KDM2B: variants seen among roughly 807,000 people sequenced by gnomAD.
The protein encoded by KDM2B is lysine demethylase 2B, also known as lysine-specific demethylase 2B.
Under a neutral mutation model 150.0 loss-of-function variants are expected in KDM2B, and 26 were observed. The ratio of observed to expected loss-of-function variants is 0.17; its 90% CI spans 0.13 to 0.24. The LOEUF is 0.24. Among genes scored for constraint, KDM2B ranks in the 10% least tolerant of loss-of-function variants. The pLI is 1.00. For synonymous variants in KDM2B, 734 were observed against 729.5 expected, an observed-to-expected ratio of 1.01 and a Z score of -0.10; for missense variants, 1,265 against 1,816.9, an observed-to-expected ratio of 0.70 and a Z score of 5.52.
chr12:121,492,452 C>T (rs898339265), intron 12 of KDM2B, among the ~76,000 whole-genome samples: 6 of 151,006 alleles, frequency 4.0e-5, no homozygotes, highest in Admixed American at 1.3e-4. Context: ...GGATTACAGG[C>T]GCGTGCCACC....
chr12:121,443,956 G>A (rs1875660633), intron 16 of KDM2B, 56 bp downstream of exon 16: 4 of 1,552,762 alleles, frequency 2.6e-6, no homozygotes, highest in Middle Eastern at 1.9e-4. Context: ...CTCCAACCCA[G>A]CACCCGGGAC....
chr12:121,420,867 A>G, the KDM2B span: 1 of 965,674 alleles, frequency 1.0e-6, no homozygotes, highest in African/African-American at 1.6e-5. Flanking sequence ...AGTCAAATTT[A>G]TTTTTGAGAA....
chr12:121,540,369 T>C (rs1888510861), intron 6 of KDM2B, among the ~76,000 whole-genome samples: 2 of 152,040 alleles, frequency 1.3e-5, no homozygotes, highest in Admixed American at 1.3e-4. Flanking sequence ...ACACAGCTGA[T>C]GAGAGAGTAG....
chr12:121,548,889 G>A lies in KDM2B; in HGVS notation c.671C>T (p.Pro224Leu), dbSNP rs1555311243. ...ATNAIAEMKYPKVKKYCLMSV... is the reference protein window; with the variant it reads ...ATNAIAEMKYLKVKKYCLMSV... ...CAGGCAGTCTTACTTTTTCACTTTCGGGTACTTCATCTCTGCAATGGCGTT... is the reference window on the plus strand; with the variant it reads ...CAGGCAGTCTTACTTTTTCACTTTCAGGTACTTCATCTCTGCAATGGCGTT... The change falls in exon 6 of 23, where the codon CCG becomes CTG. Residue 224 changes from proline (P) to leucine (L), a missense_variant. Pro to Leu is a moderately conservative substitution (Grantham distance 98). This residue lies in a region of KDM2B where 214 missense variants were observed against 447.4 expected (regional missense o/e 0.48). Transcript: ENST00000377071. 1 of 1,613,738 alleles carries A rather than the reference G, an allele frequency of 6.2e-7. No individual in the cohort carries two copies. The highest frequency in any genetic ancestry group is 2.2e-5 in the East Asian group (1 of 44,888).
the KDM2B span, among the ~76,000 whole-genome samples, chr12:121,416,799 A>G: frequency 6.6e-6 from 1 of 152,234 alleles, no homozygotes; most frequent in Non-Finnish European, 1.5e-5. Flanking sequence ...TTCAACATCA[A>G]ATACTTAGCT....
the KDM2B span, chr12:121,417,983 G>GT: frequency 3.4e-6 from 5 of 1,454,646 alleles, no homozygotes; most frequent in South Asian, 6.5e-5. The surrounding 1 kb of genome is among the most constrained non-coding windows in gnomAD (Gnocchi z 5.0). Context: ...GGGGCCTTTA[G>GT]TGCTTGATGA....
intron 11 of KDM2B, among the ~76,000 whole-genome samples, chr12:121,498,397 G>T (rs1296617846): frequency 6.6e-6 from 1 of 152,178 alleles, no homozygotes; most frequent in East Asian, 1.9e-4. Context: ...AAGGGGCAAG[G>T]CTACCCAACT....
At position 121,430,156 on chromosome 12, in the gene KDM2B, T is replaced by C. The variant is rs1464106967; in HGVS notation, c.*132A>G. On this transcript the variant is annotated 3_prime_UTR_variant, in exon 23 of 23. Transcript: ENST00000377071. This position sits in a 1 kb window ranked among gnomAD's most constrained non-coding sequence, Gnocchi z 4.4. Reference sequence around the variant, plus strand: ...ACGGGTGGTTGAACAGCTTCTCCCTTGGAAAGACTTGCAAAATGGAATTGC... The same window carrying C: ...ACGGGTGGTTGAACAGCTTCTCCCTCGGAAAGACTTGCAAAATGGAATTGC... 22 of 1,614,086 alleles carry C rather than the reference T, an allele frequency of 1.4e-5. No homozygotes were observed. The highest frequency in any genetic ancestry group is 1.9e-5 in the Non-Finnish European group (22 of 1,180,032).
At chr12:121,449,115 A>C (rs1439968364) in intron 13 of KDM2B, among the ~76,000 whole-genome samples, 1 of 151,928 alleles carries the variant, frequency 6.6e-6, no homozygotes, top group Non-Finnish European at 1.5e-5. Context: ...CAGATGGCAG[A>C]ACGGGCTCTG....
chr12:121,460,981 G>C lies in KDM2B; in HGVS notation c.1735-7637C>G, dbSNP rs533397363. 2.6e-5 allele frequency among the ~76,000 whole-genome samples: 4 copies of C among 152,314 alleles called. No homozygotes were observed. The East Asian group carries it at 7.7e-4, about 29-fold the overall frequency. On this transcript the variant is annotated intron_variant, in intron 12 of 22. Transcript: ENST00000377071. ...CATGGCACAGTTAAGTCATCCGCCC[G>C]ATGTCATACTATCAATGAATGAGAA... is the stretch of plus-strand genomic sequence containing the variant.
chr12:121,580,096 C>T, intron 1 of KDM2B: 1 of 1,584,254 alleles, frequency 6.3e-7, no homozygotes, highest in East Asian at 2.2e-5. Flanking sequence ...ACTCCTGCCC[C>T]CTGCATTTTG....
chr12:121,442,895 G>A lies in KDM2B; in HGVS notation c.2605-59C>T, dbSNP rs531245651. 2.6e-6 allele frequency: 4 copies of A among 1,553,098 alleles called. No homozygotes were observed. Among genetic ancestry groups the A allele is most frequent in the African/African-American group, 1.4e-5 (1 of 72,614 alleles). On this transcript the variant is annotated intron_variant, in intron 18 of 22. Coordinates refer to ENST00000377071, the MANE Select transcript of KDM2B (RefSeq NM_032590.5). The surrounding 1 kb of genome is among the most constrained non-coding windows in gnomAD (Gnocchi z 7.7). ...GGGCTCAGGGCTGCGCCCGCCCAAGGCCTCCCGCCCCCCTGCCACGGGACT... is the reference window on the plus strand; with the variant it reads ...GGGCTCAGGGCTGCGCCCGCCCAAGACCTCCCGCCCCCCTGCCACGGGACT...
Position 121,453,405 on chromosome 12 carries a change from G to GAAAGGGTGTT in KDM2B, c.1735-71_1735-62dup. The GAAAGGGTGTT allele has an allele frequency of 7.3e-7, 1 of 1,375,586 alleles. No homozygotes were observed. Among genetic ancestry groups the GAAAGGGTGTT allele is most frequent in the Non-Finnish European group, 9.9e-7 (1 of 1,010,520 alleles). The allele number at this position is 1,375,586 out of a possible 1,614,324, so 85.2% of individuals were successfully genotyped here. ...GACTGCAGGCACGGCCAGACCCCCG[G>GAAAGGGTGTT]AAAGGGTGTTAGGGAGCAAACTGTG... On this transcript the variant is annotated intron_variant, in intron 12 of 22. Transcript: ENST00000377071. The surrounding 1 kb of genome is among the most constrained non-coding windows in gnomAD (Gnocchi z 6.4).
chr12:121,482,997 C>T (rs1184954626), intron 12 of KDM2B, among the ~76,000 whole-genome samples: 2 of 151,846 alleles, frequency 1.3e-5, no homozygotes, highest in African/African-American at 4.8e-5. Flanking sequence ...ATCCTGCCTC[C>T]ACTAAAAATA....
chr12:121,430,631 T>C lies in KDM2B; in HGVS notation c.3830-162A>G, dbSNP rs1171631877. 3 of 612,230 alleles carry C rather than the reference T, an allele frequency of 4.9e-6. No homozygotes were observed. The highest frequency in any genetic ancestry group is 2.9e-5 in the Admixed American group (1 of 34,534). The allele number at this position is 612,230 out of a possible 1,614,324, so 37.9% of individuals were successfully genotyped here. On this transcript the variant is annotated intron_variant, in intron 22 of 22. Transcript: ENST00000377071. This position sits in a 1 kb window ranked among gnomAD's most constrained non-coding sequence, Gnocchi z 4.4. The stretch of plus-strand genomic sequence containing the variant: ...AATGTTATTTGCTTAAAATCTCTCT[T>C]CTTCAAACGGGGAAGGGTCTCACCC...
downstream of KDM2B, among the ~76,000 whole-genome samples, chr12:121,425,427 C>G (rs986227525): frequency 2.6e-5 from 4 of 152,044 alleles, no homozygotes; most frequent in Admixed American, 6.6e-5. Flanking sequence ...CATTTCAGTG[C>G]AGCTGGGAGT....
chr12:121,484,901 G>C (rs781860728), intron 12 of KDM2B, among the ~76,000 whole-genome samples: 6 of 152,126 alleles, frequency 3.9e-5, no homozygotes, highest in Admixed American at 2.0e-4. Flanking sequence ...AGGGTTGGGG[G>C]CTGACTGTAT....
rs534293826 is a variant in KDM2B, at chr12:121,521,159, C to T, written c.932-59G>A. 2.8e-4 allele frequency: 327 copies of T among 1,185,160 alleles called. 2 individuals are homozygous for T. In the South Asian group the frequency reaches 3.9e-3, roughly 14 times the overall value. 73.4% of individuals were successfully genotyped at this position (1,185,160 alleles called of 1,614,324 possible). A position where few individuals can be genotyped will look rare whatever the true frequency, so the allele number is the denominator to read the frequency against. ...CTGGCCCCTGTGGGCTCCCACACCT[C>T]ACAAGGCTGCAGGGAGGGAGAGCGA... On this transcript the variant is annotated intron_variant, in intron 8 of 22. Coordinates refer to ENST00000377071, the MANE Select transcript of KDM2B (RefSeq NM_032590.5). The surrounding 1 kb of genome is among the most constrained non-coding windows in gnomAD (Gnocchi z 4.9).
intron 9 of KDM2B, among the ~76,000 whole-genome samples, chr12:121,515,646 T>G: frequency 6.6e-6 from 1 of 151,298 alleles, no homozygotes; most frequent in Non-Finnish European, 1.5e-5. Flanking sequence ...CCTAAAATGC[T>G]ATTTTGCTGC....
Sources: gnomAD v4.1 joint callset for allele counts (sites outside exome capture counted in the v4.1 genomes callset) on GRCh38, gnomAD v4.1.1 for gene constraint, gnomAD v4.1.1 regional missense constraint, Gnocchi (gnomAD v3.1) non-coding constraint, MANE v1.5 for transcripts, NCBI Gene and HGNC (gene_info 2026-07-23, HGNC 2026-07-21) for gene names.